Variants in SPMIP2 observed in about 807,000 individuals in gnomAD.
SPMIP2 encodes the protein protein SPMIP2.
the SPMIP2 span, among the ~76,000 whole-genome samples, chr4:159,079,971 C>T: frequency 6.6e-6 from 1 of 152,114 alleles, no homozygotes; most frequent in Non-Finnish European, 1.5e-5. Flanking sequence ...ATCCCACCTA[C>T]AGTCTCAAAA....
chr4:158,997,231 CT>C, the SPMIP2 span, among the ~76,000 whole-genome samples: 1,032 of 135,790 alleles, frequency 7.6e-3, 4 homozygotes, highest in African/African-American at 0.021. Context: ...GTGAATATGG[CT>C]TTTTTTTTTT....
At chr4:159,030,877 A>G in the SPMIP2 span, among the ~76,000 whole-genome samples, 1 of 152,188 alleles carries the variant, frequency 6.6e-6, no homozygotes, top group Non-Finnish European at 1.5e-5. Flanking sequence ...AACTCTCAGA[A>G]TTGCTGCGAA....
At chr4:159,053,422 TGA>T in the SPMIP2 span, among the ~76,000 whole-genome samples, 1 of 152,174 alleles carries the variant, frequency 6.6e-6, no homozygotes, top group African/African-American at 2.4e-5. Context: ...GCACCTAGGT[TGA>T]GTTACACCTA....
chr4:159,024,045 G>A, the SPMIP2 span, among the ~76,000 whole-genome samples: 1 of 152,144 alleles, frequency 6.6e-6, no homozygotes, highest in Non-Finnish European at 1.5e-5. Context: ...ATGTTTGTCT[G>A]GTTCAACCCT....
At chr4:158,982,848 C>A in the SPMIP2 span, among the ~76,000 whole-genome samples, 1 of 152,040 alleles carries the variant, frequency 6.6e-6, no homozygotes, top group East Asian at 1.9e-4. Context: ...AGGCTTCAGA[C>A]GATCAAACTA....
chr4:159,078,159 C>T, the SPMIP2 span, among the ~76,000 whole-genome samples: 3 of 152,076 alleles, frequency 2.0e-5, no homozygotes, highest in Non-Finnish European at 4.4e-5. Context: ...TCGGAAAGAA[C>T]AGCATACAAA....
chr4:159,018,154 C>T, the SPMIP2 span, among the ~76,000 whole-genome samples: 1 of 152,310 alleles, frequency 6.6e-6, no homozygotes, highest in East Asian at 1.9e-4. Context: ...GCCAGTGACA[C>T]TGAAGGAGGA....
chr4:159,014,031 T>G, the SPMIP2 span, among the ~76,000 whole-genome samples: 5 of 152,300 alleles, frequency 3.3e-5, no homozygotes, highest in South Asian at 6.2e-4. Context: ...AGGTGATAGT[T>G]GCAAGCAATG....
At chr4:158,950,809 C>A in the SPMIP2 span, among the ~76,000 whole-genome samples, 2 of 152,076 alleles carry the variant, frequency 1.3e-5, no homozygotes. Context: ...GGCAGAATTG[C>A]TTGAACCTTG....
At chr4:158,953,995 C>T in the SPMIP2 span, among the ~76,000 whole-genome samples, 11 of 152,102 alleles carry the variant, frequency 7.2e-5, no homozygotes, top group Non-Finnish European at 1.2e-4. Flanking sequence ...CTTGCCTTGT[C>T]GCAGAGGAAA....
chr4:159,047,170 C>CA, the SPMIP2 span, among the ~76,000 whole-genome samples: 4 of 151,874 alleles, frequency 2.6e-5, no homozygotes, highest in African/African-American at 7.2e-5. Context: ...TTGTGTTTTT[C>CA]AAAAAAATCT....
the SPMIP2 span, chr4:159,007,323 C>G: frequency 1.3e-6 from 1 of 755,154 alleles, no homozygotes; most frequent in South Asian, 1.3e-5. Context: ...CATCTCATCC[C>G]AGGCCCTCCA....
chr4:159,039,712 A>G, the SPMIP2 span, among the ~76,000 whole-genome samples: 2 of 152,212 alleles, frequency 1.3e-5, no homozygotes, highest in Non-Finnish European at 2.9e-5. Context: ...GAAAATCCCT[A>G]TTGTTTATGA....
chr4:158,924,927 TC>T, the SPMIP2 span, among the ~76,000 whole-genome samples: 42 of 152,216 alleles, frequency 2.8e-4, no homozygotes, highest in African/African-American at 9.4e-4. Context: ...TGATGTATAA[TC>T]CTTTTTATGT....
chr4:159,006,407 C>T, the SPMIP2 span, among the ~76,000 whole-genome samples: 1 of 152,156 alleles, frequency 6.6e-6, no homozygotes, highest in Admixed American at 6.6e-5. Context: ...TGTACCACAC[C>T]CTGCCAATGC....
the SPMIP2 span, among the ~76,000 whole-genome samples, chr4:158,910,859 C>G: frequency 6.6e-6 from 1 of 152,128 alleles, no homozygotes; most frequent in Admixed American, 6.6e-5. Flanking sequence ...AATAAACACC[C>G]CTCCCTGGCT....
the SPMIP2 span, chr4:159,026,561 T>A: frequency 1.0e-5 from 5 of 497,106 alleles, no homozygotes; most frequent in South Asian, 7.4e-5. Flanking sequence ...GAAATAGCTA[T>A]GAAAATCAAC....
At chr4:158,989,015 T>C in the SPMIP2 span, among the ~76,000 whole-genome samples, 1 of 152,190 alleles carries the variant, frequency 6.6e-6, no homozygotes, top group Non-Finnish European at 1.5e-5. Flanking sequence ...CTCCTTAAGC[T>C]GATAAGCAAC....
the SPMIP2 span, among the ~76,000 whole-genome samples, chr4:158,976,304 C>T: frequency 6.6e-6 from 1 of 152,140 alleles, no homozygotes; most frequent in Non-Finnish European, 1.5e-5. Flanking sequence ...ATTGACCTGG[C>T]CAGAACTTCC....
Sources: allele counts gnomAD v4.1 joint callset (sites outside exome capture counted in the v4.1 genomes callset), GRCh38; gene constraint gnomAD v4.1.1; transcripts MANE v1.5; gene names NCBI Gene and HGNC (gene_info 2026-07-23, HGNC 2026-07-21).